Variants in INTS3 observed in about 807,000 individuals in gnomAD.
INTS3 encodes integrator complex subunit 3.
INTS3 carries 34 observed loss-of-function variants against 146.3 expected under a neutral mutation model. The observed-to-expected ratio is 0.23, with a 90% CI of 0.18 to 0.31. The LOEUF is 0.31. Ranked by LOEUF, INTS3 falls within the 10% of genes least tolerant of loss-of-function variation. The probability of loss-of-function intolerance (pLI) is 1.00; values close to 1 mark genes in which losing one functional copy is unlikely to be tolerated. For missense variants in INTS3, 757 were observed against 1,304.2 expected (o/e 0.58, Z 6.46); for synonymous variants, 475 against 494.9 (o/e 0.96, Z 0.53).
chr1:153,737,886 G>C (rs916596818), intron 1 of INTS3, among the ~76,000 whole-genome samples: 1 of 151,992 alleles, frequency 6.6e-6, no homozygotes, highest in East Asian at 1.9e-4. Context: ...AACATTTTGG[G>C]GGGACATTTC....
chr1:153,737,944 G>C (rs528886385), intron 1 of INTS3, among the ~76,000 whole-genome samples: 2 of 152,220 alleles, frequency 1.3e-5, no homozygotes, highest in South Asian at 4.1e-4. Context: ...CCATCACTCT[G>C]CTTCAGTACT....
Position 153,770,710 on chromosome 1 carries a change from A to C in INTS3, c.2529A>C (p.Leu843=), listed in dbSNP as rs1406665623. Residue 843 remains leucine (L), a synonymous_variant, in exon 25 of 30, where the codon CTA becomes CTC. Coordinates refer to ENST00000318967, the MANE Select transcript of INTS3 (RefSeq NM_023015.5). ...AGCACCCAGAGGCCCTGTCCTGCCT[A>C]CTGCTTCAACTCCGAAGAGAAAAGT... The part of the protein sequence containing the change: ...YKEHPEALSC[L]LLQLRREKPS... 2 of 1,613,654 alleles carry C rather than the reference A, an allele frequency of 1.2e-6. No individual in the cohort carries two copies. Among genetic ancestry groups the C allele is most frequent in the African/African-American group, 2.7e-5 (2 of 74,874 alleles).
chr1:153,768,366 C>T (rs943053466), intron 21 of INTS3, among the ~76,000 whole-genome samples: 2 of 152,190 alleles, frequency 1.3e-5, no homozygotes, highest in Non-Finnish European at 2.9e-5. Context: ...GAACTGTGAT[C>T]TCAGCCGAGT....
chr1:153,761,378 T>A lies in INTS3; in HGVS notation c.1410-192T>A, dbSNP rs1570872814. ...TACAAAAATTAGCCAGGTGTGATGG[T>A]GCACACCTGTAATCCTAGCTACTTG... On this transcript the variant is annotated intron_variant, in intron 13 of 29. Coordinates refer to ENST00000318967, the MANE Select transcript of INTS3 (RefSeq NM_023015.5). 2.1e-5 allele frequency: 12 copies of A among 563,262 alleles called. No homozygotes were observed. In the East Asian group the frequency reaches 3.5e-4, roughly 17 times the overall value. 34.9% of individuals were successfully genotyped at this position (563,262 alleles called of 1,614,324 possible).
chr1:153,742,478 C>CTCTGTGTGTGTGTGTGTGTGTGTG (rs146023592), intron 3 of INTS3, among the ~76,000 whole-genome samples: 2 of 147,550 alleles, frequency 1.4e-5, no homozygotes, highest in African/African-American at 5.0e-5. Flanking sequence ...TTTTTAATCT[C>CTCTGTGTGTGTGTGTGTGTGTGTG]TGTGTGTGTG....
At chr1:153,762,184 C>T (rs1349644960) in intron 14 of INTS3, among the ~76,000 whole-genome samples, 2 of 152,256 alleles carry the variant, frequency 1.3e-5, no homozygotes, top group Non-Finnish European at 2.9e-5. Flanking sequence ...CATGGTGGCT[C>T]ATGCCTGTAA....
chr1:153,766,663 G>T (rs1253028804), intron 20 of INTS3: 2 of 146,774 alleles, frequency 1.4e-5, no homozygotes. Flanking sequence ...TGAGTTATTT[G>T]TCTTTTTATT....
At chr1:153,734,030 C>G (rs145212541) in intron 1 of INTS3, among the ~76,000 whole-genome samples, 8 of 152,136 alleles carry the variant, frequency 5.3e-5, no homozygotes, top group South Asian at 2.1e-4. Flanking sequence ...GGCCTTCCCC[C>G]CCTTTCTCCC....
chr1:153,742,513 C>T (rs538019741), intron 3 of INTS3, among the ~76,000 whole-genome samples: 11 of 125,132 alleles, frequency 8.8e-5, no homozygotes, highest in South Asian at 7.1e-4. Context: ...TGTGTGCGTG[C>T]GCATCATTGG....
At chr1:153,747,944 T>A (rs1557996115) in intron 5 of INTS3, 1 of 159,556 alleles carries the variant, frequency 6.3e-6, no homozygotes, top group Non-Finnish European at 1.4e-5. Context: ...AAAAGTGACC[T>A]GCTACTACCT....
At chr1:153,767,558 T>G in intron 20 of INTS3, 116 bp from the exon 21 acceptor site, 1 of 1,093,414 alleles carries the variant, frequency 9.1e-7, no homozygotes. Context: ...ATGAGGCAGA[T>G]TAGCACAGGG....
Position 153,728,525 on chromosome 1 carries a change from T to TC in INTS3, c.-106dup. 2 of 1,374,436 alleles carry TC rather than the reference T, an allele frequency of 1.5e-6. No homozygotes were observed. Among genetic ancestry groups the TC allele is most frequent in the Non-Finnish European group, 2.0e-6 (2 of 1,020,404 alleles). The allele number at this position is 1,374,436 out of a possible 1,614,324, so 85.1% of individuals were successfully genotyped here. A position where few individuals can be genotyped will look rare whatever the true frequency, so the allele number is the denominator to read the frequency against. ...GAGGACAGGGGCCCTTGCTCTCCCCTCCCCAACTTGTTCCTCTTGCCCCCC... is the reference window on the plus strand; with the variant it reads ...GAGGACAGGGGCCCTTGCTCTCCCCTCCCCCAACTTGTTCCTCTTGCCCCCC... On this transcript the variant is annotated 5_prime_UTR_variant, in exon 1 of 30. Coordinates refer to ENST00000318967, the MANE Select transcript of INTS3 (RefSeq NM_023015.5).
intron 5 of INTS3, chr1:153,747,888 T>C (rs4845569): frequency 1 from 162,075 of 162,166 alleles, 80,992 homozygotes; most frequent in Non-Finnish European, 1. Context: ...CTGTCTGAGC[T>C]ATCGCATATT....
At chr1:153,733,048 T>C (rs1224226249) in intron 1 of INTS3, among the ~76,000 whole-genome samples, 1 of 150,448 alleles carries the variant, frequency 6.6e-6, no homozygotes, top group Non-Finnish European at 1.5e-5. Context: ...TCGTACACCA[T>C]GTTAGGCTGG....
Position 153,770,666 on chromosome 1 carries a change from C to T in INTS3, c.2504-19C>T, listed in dbSNP as rs749583492. 6.2e-7 allele frequency: 1 copy of T among 1,610,728 alleles called. No homozygotes were observed. The highest frequency in any genetic ancestry group is 1.1e-5 in the South Asian group (1 of 91,002). The stretch of plus-strand genomic sequence containing the variant: ...GAATCATACCTTCCCCCTGAACAGC[C>T]TCTGCCCTTCCCTCACAGAGCACCC... On this transcript the variant is annotated intron_variant, in intron 24 of 29. Coordinates refer to ENST00000318967, the MANE Select transcript of INTS3 (RefSeq NM_023015.5).
intron 11 of INTS3, chr1:153,760,096 G>A (rs1411708867): frequency 6.8e-6 from 4 of 584,650 alleles, no homozygotes; most frequent in Non-Finnish European, 1.2e-5. Context: ...GCCTGGCGTG[G>A]TGGCGCACAC....
rs952116653 is a variant in INTS3 at position 153,773,896 on chromosome 1, T to C, written c.*626T>C. ...TGTGCCCTGGAGGCTTAGGTTGGTC[T>C]GAGGTTGGCACCTCAATCTACACCA... On this transcript the variant is annotated 3_prime_UTR_variant, in exon 30 of 30. Transcript: ENST00000318967. 6 of 166,354 alleles carry C rather than the reference T, an allele frequency of 3.6e-5. No homozygotes were observed. The highest frequency in any genetic ancestry group is 7.3e-5 in the Non-Finnish European group (5 of 68,032). The allele number at this position is 166,354 out of a possible 1,614,324, so 10.3% of individuals were successfully genotyped here.
chr1:153,751,060 C>T (rs780381960), intron 6 of INTS3, 35 bp from the exon 7 acceptor site: 14 of 1,610,356 alleles, frequency 8.7e-6, no homozygotes. Context: ...TAGTTCTAGA[C>T]AGAGCATAGG....
At chr1:153,767,456 C>A (rs1672632590) in intron 20 of INTS3, 6 of 461,846 alleles carry the variant, frequency 1.3e-5, no homozygotes, top group Non-Finnish European at 2.3e-5. Context: ...GGTTGGAGCC[C>A]TTTTGAGCTC....
Sources: gnomAD v4.1 joint callset for allele counts (sites outside exome capture counted in the v4.1 genomes callset) on GRCh38, gnomAD v4.1.1 for gene constraint, MANE v1.5 for transcripts, NCBI Gene and HGNC (gene_info 2026-07-23, HGNC 2026-07-21) for gene names.